KCND2: variants seen among roughly 807,000 people sequenced by gnomAD.
The protein encoded by KCND2 is potassium voltage-gated channel subfamily D member 2.
KCND2 carries 16 observed loss-of-function variants against 54.4 expected under a neutral mutation model. The ratio of observed to expected loss-of-function variants is 0.29; its 90% CI spans 0.20 to 0.45. The LOEUF is 0.45. Ranked by LOEUF, KCND2 falls within the 20% of genes least tolerant of loss-of-function variation. The pLI, the probability that KCND2 is intolerant of heterozygous loss-of-function variation, is 1.00. For synonymous variants in KCND2, 317 were observed against 310.7 expected, an observed-to-expected ratio of 1.02 and a Z score of -0.21; for missense variants, 486 against 824.2, an observed-to-expected ratio of 0.59 and a Z score of 5.02.
chr7:120,479,858 A>G (rs977501999), intron 1 of KCND2, among the ~76,000 whole-genome samples: 1 of 149,556 alleles, frequency 6.7e-6, no homozygotes, highest in African/African-American at 2.4e-5. Context: ...AATCCCAGCT[A>G]TCGGTGGCTG....
At chr7:120,613,355 C>T (rs997961653) in intron 1 of KCND2, among the ~76,000 whole-genome samples, 3 of 152,050 alleles carry the variant, frequency 2.0e-5, no homozygotes, top group African/African-American at 7.2e-5. Context: ...CATGGCAAAA[C>T]CCCGGTCTCT....
At chr7:120,386,332 C>G (rs1249273304) in intron 1 of KCND2, among the ~76,000 whole-genome samples, 1 of 151,926 alleles carries the variant, frequency 6.6e-6, no homozygotes, top group African/African-American at 2.4e-5. Context: ...GTGATGCATC[C>G]CAGGTTAATC....
intron 1 of KCND2, among the ~76,000 whole-genome samples, chr7:120,393,335 T>C (rs1563031536): frequency 2.0e-5 from 3 of 152,032 alleles, no homozygotes; most frequent in Admixed American, 2.0e-4. Flanking sequence ...GCACCATTAA[T>C]GTTAGTTCCT....
chr7:120,489,678 T>C (rs896051822), intron 1 of KCND2, among the ~76,000 whole-genome samples: 4 of 152,152 alleles, frequency 2.6e-5, no homozygotes, highest in East Asian at 1.9e-4. Flanking sequence ...TCACGTCCTA[T>C]CAAAAGCAGT....
At chr7:120,498,230 C>T (rs1205269633) in intron 1 of KCND2, among the ~76,000 whole-genome samples, 1 of 152,136 alleles carries the variant, frequency 6.6e-6, no homozygotes, top group East Asian at 1.9e-4. Context: ...GCCTGTAATC[C>T]CAGCACTTTG....
At chr7:120,276,498 G>A (rs1291987269) in intron 1 of KCND2, among the ~76,000 whole-genome samples, 1 of 151,918 alleles carries the variant, frequency 6.6e-6, no homozygotes, top group Non-Finnish European at 1.5e-5. Flanking sequence ...TCAGGCAATG[G>A]GTCCACACCC....
intron 1 of KCND2, among the ~76,000 whole-genome samples, chr7:120,421,271 G>A (rs947778811): frequency 3.3e-5 from 5 of 152,112 alleles, no homozygotes; most frequent in Admixed American, 6.5e-5. Flanking sequence ...CTAATGTCAT[G>A]GCAATTCTAA....
chr7:120,456,360 C>T (rs1170824159), intron 1 of KCND2, among the ~76,000 whole-genome samples: 1 of 152,152 alleles, frequency 6.6e-6, no homozygotes, highest in African/African-American at 2.4e-5. Context: ...ATTGAATAAT[C>T]TGTATGGCTG....
intron 1 of KCND2, among the ~76,000 whole-genome samples, chr7:120,658,973 T>G (rs1164683300): frequency 6.6e-6 from 1 of 152,184 alleles, no homozygotes; most frequent in African/African-American, 2.4e-5. Flanking sequence ...CTAGGAGAGA[T>G]AAAGTATATA....
chr7:120,468,285 G>A (rs1802407777), intron 1 of KCND2, among the ~76,000 whole-genome samples: 2 of 152,070 alleles, frequency 1.3e-5, no homozygotes, highest in Non-Finnish European at 2.9e-5. Context: ...ACAGCCAGGT[G>A]AATAAGAAAA....
intron 1 of KCND2, among the ~76,000 whole-genome samples, chr7:120,363,713 G>A (rs1048984599): frequency 1.3e-5 from 2 of 152,022 alleles, no homozygotes; most frequent in African/African-American, 2.4e-5. Flanking sequence ...CCTTGTGATA[G>A]CTTCCAGTTT....
intron 1 of KCND2, among the ~76,000 whole-genome samples, chr7:120,335,002 T>C (rs1472214098): frequency 1.3e-5 from 2 of 152,118 alleles, no homozygotes; most frequent in Non-Finnish European, 2.9e-5. Context: ...CTTGACCATG[T>C]TAAGTCTGTC....
chr7:120,469,935 G>A (rs1476021243), intron 1 of KCND2, among the ~76,000 whole-genome samples: 1 of 152,096 alleles, frequency 6.6e-6, no homozygotes, highest in Non-Finnish European at 1.5e-5. Context: ...CACACTTAGT[G>A]TGTTGTTTCA....
At chr7:120,578,425 C>T (rs557836666) in intron 1 of KCND2, among the ~76,000 whole-genome samples, 111 of 152,242 alleles carry the variant, frequency 7.3e-4, no homozygotes, top group Non-Finnish European at 1.3e-3. Flanking sequence ...CACATTAAAA[C>T]CTATCACTTC....
intron 1 of KCND2, among the ~76,000 whole-genome samples, chr7:120,410,823 T>C (rs761050403): frequency 2.0e-5 from 3 of 151,810 alleles, no homozygotes; most frequent in Non-Finnish European, 4.4e-5. Context: ...TGTAATAGTT[T>C]GCTCCAAATG....
intron 1 of KCND2, among the ~76,000 whole-genome samples, chr7:120,690,531 C>A (rs562467247): frequency 5.3e-5 from 8 of 152,320 alleles, no homozygotes; most frequent in South Asian, 2.1e-4. Flanking sequence ...CAGTGACATA[C>A]CCTGTTTGCA....
intron 1 of KCND2, among the ~76,000 whole-genome samples, chr7:120,715,705 T>G (rs924908499): frequency 1.3e-5 from 2 of 152,094 alleles, no homozygotes; most frequent in African/African-American, 2.4e-5. Flanking sequence ...ATCTTAAAGT[T>G]AACACATCAC....
chr7:120,336,131 A>G (rs975375873), intron 1 of KCND2, among the ~76,000 whole-genome samples: 2 of 152,204 alleles, frequency 1.3e-5, no homozygotes, highest in Non-Finnish European at 2.9e-5. Context: ...CACAGGAATT[A>G]GTCGGAAGTA....
intron 1 of KCND2, among the ~76,000 whole-genome samples, chr7:120,675,270 T>TC (rs970025287): frequency 1.4e-4 from 22 of 152,116 alleles, no homozygotes; most frequent in African/African-American, 2.2e-4. Flanking sequence ...TATTGCTCTG[T>TC]CCCCCGAGCT....
Sources: allele counts gnomAD v4.1 joint callset (sites outside exome capture counted in the v4.1 genomes callset), GRCh38; gene constraint gnomAD v4.1.1; transcripts MANE v1.5; gene names NCBI Gene and HGNC (gene_info 2026-07-23, HGNC 2026-07-21).